Variants in TBCD observed in about 807,000 individuals in gnomAD.
TBCD encodes the protein tubulin folding cofactor D.
In TBCD, 105 loss-of-function variants were observed where a neutral mutation model predicts 169.3. The ratio of observed to expected loss-of-function variants is 0.62; its 90% CI spans 0.53 to 0.73. The LOEUF is 0.73. TBCD is among the 30% of genes least tolerant of loss of function. The pLI, the probability that TBCD is intolerant of heterozygous loss-of-function variation, is 0.00. For missense variants in TBCD, 1,444 were observed against 1,600.1 expected, an observed-to-expected ratio of 0.90 and a Z score of 1.66; for synonymous variants, 700 against 643.9, an observed-to-expected ratio of 1.09 and a Z score of -1.32.
At chr17:82,817,344 C>T (rs956379171) in intron 13 of TBCD, among the ~76,000 whole-genome samples, 2 of 151,980 alleles carry the variant, frequency 1.3e-5, no homozygotes, top group East Asian at 3.9e-4. Context: ...TCGCCCAGGC[C>T]GGAGTGCAGT....
chr17:82,776,450 G>T (rs769126109), intron 6 of TBCD, among the ~76,000 whole-genome samples: 1 of 152,140 alleles, frequency 6.6e-6, no homozygotes, highest in African/African-American at 2.4e-5. Flanking sequence ...GTTGGAAAAA[G>T]ATATATAGGT....
At chr17:82,901,651 C>T (rs2059907054) in intron 18 of TBCD, among the ~76,000 whole-genome samples, 1 of 149,826 alleles carries the variant, frequency 6.7e-6, no homozygotes, top group Non-Finnish European at 1.5e-5. Context: ...GCCCGGCTAC[C>T]TGCCGTGGTC....
At chr17:82,926,948 A>T in intron 28 of TBCD, 1 of 587,344 alleles carries the variant, frequency 1.7e-6, no homozygotes, top group Non-Finnish European at 2.9e-6. Context: ...GGGAGGGACC[A>T]GCCGCAGGGG....
intron 13 of TBCD, among the ~76,000 whole-genome samples, chr17:82,826,590 A>AT (rs1296409167): frequency 1.3e-5 from 2 of 151,202 alleles, no homozygotes; most frequent in Non-Finnish European, 2.9e-5. Context: ...TAATTTTTGT[A>AT]TTTTTTGTAG....
chr17:82,908,182 G>A (rs1052101956), intron 21 of TBCD: 5 of 389,666 alleles, frequency 1.3e-5, no homozygotes, highest in Admixed American at 6.8e-5. Context: ...CGGGGCGCGC[G>A]GCTGCGGTCC....
In TBCD at chr17:82,930,389, G is replaced by GTCCGCACCAGTCC; in HGVS notation, c.2992-133_2992-132insTCCGCACCAGTCC. 1 of 1,351,102 alleles carries GTCCGCACCAGTCC rather than the reference G, an allele frequency of 7.4e-7. No individual in the cohort carries two copies. Among genetic ancestry groups the GTCCGCACCAGTCC allele is most frequent in the Non-Finnish European group, 9.8e-7 (1 of 1,017,530 alleles). 83.7% of individuals were successfully genotyped at this position (1,351,102 alleles called of 1,614,324 possible). On this transcript the variant is annotated intron_variant, in intron 32 of 38. Transcript: ENST00000355528. The surrounding 1 kb of genome is among the most constrained non-coding windows in gnomAD (Gnocchi z 5.2). ...GTGCTGGCGTCCGCACCAGCCGCTT[G>GTCCGCACCAGTCC]GGGCCAGACCTTCGCGTCTCTGCAG...
chr17:82,820,585 TTGTTA>T (rs902916389), intron 13 of TBCD, among the ~76,000 whole-genome samples: 143 of 152,308 alleles, frequency 9.4e-4, no homozygotes, highest in African/African-American at 2.7e-3. Flanking sequence ...TGTGGGACTC[TTGTTA>T]TGTTAATACA....
chr17:82,755,896 C>T (rs957570861), intron 1 of TBCD, among the ~76,000 whole-genome samples: 13 of 152,166 alleles, frequency 8.5e-5, no homozygotes, highest in Non-Finnish European at 1.8e-4. Flanking sequence ...GGAAGAGTAT[C>T]GAGGCAGTGG....
At chr17:82,867,896 T>C (rs1190297224) in intron 13 of TBCD, among the ~76,000 whole-genome samples, 1 of 152,186 alleles carries the variant, frequency 6.6e-6, no homozygotes, top group African/African-American at 2.4e-5. Context: ...TGCTGCCGGC[T>C]CTGACCTGTG....
At position 82,821,682 on chromosome 17, in the gene TBCD, G is replaced by A. The variant is rs143083684; in HGVS notation, c.1318+6748G>A. Among the ~76,000 whole-genome samples the A allele has an allele frequency of 7.5e-3, 1,138 of 152,190 alleles. 10 individuals carry two copies. Among genetic ancestry groups the A allele is most frequent in the African/African-American group, 0.026 (1,085 of 41,506 alleles). On this transcript the variant is annotated intron_variant, in intron 13 of 38. Transcript: ENST00000355528. ...ACCCCATGTCTTATAAAGTGTAATG[G>A]TCTGGTGTCCCAAAGCCACAGAGAA... is the stretch of plus-strand genomic sequence containing the variant.
chr17:82,932,630 A>G (rs2062302729), intron 33 of TBCD, 28 bp from the exon 34 acceptor site: 1 of 1,605,448 alleles, frequency 6.2e-7, no homozygotes, highest in Admixed American at 1.7e-5. Context: ...GCTGGTGTCC[A>G]GGGTCTCACA....
At chr17:82,857,160 A>G (rs1244735275) in intron 13 of TBCD, among the ~76,000 whole-genome samples, 1 of 152,216 alleles carries the variant, frequency 6.6e-6, no homozygotes, top group East Asian at 1.9e-4. Context: ...TCAGCCTCGT[A>G]GGTGTGAGGG....
chr17:82,846,584 G>T (rs1448367428), intron 13 of TBCD, among the ~76,000 whole-genome samples: 4 of 152,192 alleles, frequency 2.6e-5, no homozygotes, highest in Non-Finnish European at 1.5e-5. Context: ...CCTAGATTTC[G>T]GAGATGGTGG....
rs2058589277 is a variant in TBCD at position 82,884,441 on chromosome 17, G to T, written c.1533+239G>T. On this transcript the variant is annotated intron_variant, in intron 15 of 38. Coordinates refer to ENST00000355528, the MANE Select transcript of TBCD (RefSeq NM_005993.5). This position sits in a 1 kb window ranked among gnomAD's most constrained non-coding sequence, Gnocchi z 4.2. ...CCAGAGCTGCAGCCATCACTGCTGG[G>T]GGTTGATGGGTGATGGAGGCGAGTG... is the stretch of plus-strand genomic sequence containing the variant. 6.6e-6 allele frequency among the ~76,000 whole-genome samples: 1 copy of T among 152,248 alleles called. No homozygotes were observed. The highest frequency in any genetic ancestry group is 1.5e-5 in the Non-Finnish European group (1 of 68,052).
Position 82,833,822 on chromosome 17 carries a change from CTG to C in TBCD, c.1318+18897_1318+18898del, listed in dbSNP as rs369187981. ...CTCAGGTCCTGGGACCCACCAGAGG[CTG>C]TGTGTGTGATGTCAGAGCTGGCCTG... is the stretch of plus-strand genomic sequence containing the variant. On this transcript the variant is annotated intron_variant, in intron 13 of 38. Transcript: ENST00000355528. This position sits in a 1 kb window ranked among gnomAD's most constrained non-coding sequence, Gnocchi z 4.7. Among the ~76,000 whole-genome samples, 1,618 of 152,280 alleles carry C rather than the reference CTG, an allele frequency of 0.011. 30 individuals carry two copies. The highest frequency in any genetic ancestry group is 0.036 in the African/African-American group (1,512 of 41,556).
chr17:82,908,387 G>T (rs746157899), intron 21 of TBCD: 1 of 456,236 alleles, frequency 2.2e-6, no homozygotes, highest in Admixed American at 2.3e-5. Context: ...GAGACAGTGT[G>T]TTCATCTTTC....
At chr17:82,916,783 C>T (rs578068857) in intron 23 of TBCD, among the ~76,000 whole-genome samples, 1 of 152,146 alleles carries the variant, frequency 6.6e-6, no homozygotes, top group African/African-American at 2.4e-5. Flanking sequence ...GTTTATCTGA[C>T]TTGGGGCTCT....
At chr17:82,772,612 C>G in intron 6 of TBCD, 105 bp downstream of exon 6, 1 of 1,247,816 alleles carries the variant, frequency 8.0e-7, no homozygotes, top group Non-Finnish European at 1.2e-6. Context: ...ACGAAGGACC[C>G]CGGGAAGTCT....
chr17:82,869,216 C>T (rs56322462), intron 13 of TBCD, among the ~76,000 whole-genome samples: 85,863 of 152,104 alleles, frequency 0.56, 24,516 homozygotes, highest in East Asian at 0.71. Flanking sequence ...ACTTGAAATA[C>T]ATGAACCTAA....
Sources: gnomAD v4.1 joint callset for allele counts (sites outside exome capture counted in the v4.1 genomes callset) on GRCh38, gnomAD v4.1.1 for gene constraint, Gnocchi (gnomAD v3.1) non-coding constraint, MANE v1.5 for transcripts, NCBI Gene and HGNC (gene_info 2026-07-23, HGNC 2026-07-21) for gene names.